The following TRAPPC9 variants were observed in gnomAD, a reference collection of about 807,000 sequenced individuals.
TRAPPC9 encodes the protein IKK2 binding protein.
Under a neutral mutation model 124.0 loss-of-function variants are expected in TRAPPC9, and 83 were observed. That is an observed-to-expected ratio of 0.67 (90% CI 0.56 to 0.80). The LOEUF (loss-of-function observed/expected upper bound fraction) is 0.80, where lower values mean the gene tolerates loss of function less well. Among genes scored for constraint, TRAPPC9 ranks in the 30% least tolerant of loss-of-function variants. The pLI is 0.00. For missense variants in TRAPPC9, 1,302 were observed against 1,508.3 expected (o/e 0.86, Z 2.27); for synonymous variants, 638 against 617.5 (o/e 1.03, Z -0.49).
At chr8:140,120,013 G>A (rs923217696) in intron 17 of TRAPPC9, among the ~76,000 whole-genome samples, 90 of 152,272 alleles carry the variant, frequency 5.9e-4, no homozygotes, top group Non-Finnish European at 1.2e-4. Flanking sequence ...CATAATGGGT[G>A]GTCAGTAGAT....
Position 140,435,109 on chromosome 8 carries a change from C to T in TRAPPC9, c.859+3G>A, listed in dbSNP as rs763271963. On this transcript the variant is annotated splice_donor_region_variant and intron_variant, in intron 4 of 22. Coordinates refer to ENST00000438773, the MANE Select transcript of TRAPPC9 (RefSeq NM_001160372.4). ...CAGAGGCCGGAAAAAGGGCAGAGCTCACCTGGCCGGTGTCTATTGGCTGCT... is the reference window on the plus strand; with the variant it reads ...CAGAGGCCGGAAAAAGGGCAGAGCTTACCTGGCCGGTGTCTATTGGCTGCT... 3.7e-6 allele frequency: 6 copies of T among 1,614,188 alleles called. No homozygotes were observed. In the Admixed American group the frequency reaches 1.0e-4, roughly 27 times the overall value.
chr8:140,280,797 GT>G (rs2065287990), intron 14 of TRAPPC9, among the ~76,000 whole-genome samples: 1 of 152,168 alleles, frequency 6.6e-6, no homozygotes. Context: ...CTTCCAATCA[GT>G]TTAGTCCCCA....
chr8:139,872,545 T>C (rs1829015151), intron 21 of TRAPPC9, among the ~76,000 whole-genome samples: 1 of 128,852 alleles, frequency 7.8e-6, no homozygotes, highest in African/African-American at 2.6e-5. Context: ...GATGGATGGA[T>C]GGACGGATGG....
At chr8:139,828,624 A>G (rs544725636) in intron 21 of TRAPPC9, among the ~76,000 whole-genome samples, 31 of 152,336 alleles carry the variant, frequency 2.0e-4, no homozygotes, top group Admixed American at 1.6e-3. Flanking sequence ...TGAGTTCCCC[A>G]GGGTGTCTGA....
chr8:140,232,638 G>A (rs978056705), intron 16 of TRAPPC9, among the ~76,000 whole-genome samples: 2 of 152,112 alleles, frequency 1.3e-5, no homozygotes, highest in Non-Finnish European at 2.9e-5. Context: ...CAACAGTGAC[G>A]ATCTCAACAG....
chr8:139,763,274 C>T (rs1288056955), intron 21 of TRAPPC9, among the ~76,000 whole-genome samples: 1 of 152,222 alleles, frequency 6.6e-6, no homozygotes. Context: ...TAAAACGTGG[C>T]TCTGGCGAAT....
intron 6 of TRAPPC9, among the ~76,000 whole-genome samples, chr8:140,400,844 A>C (rs753091171): frequency 6.6e-6 from 1 of 152,042 alleles, no homozygotes; most frequent in Admixed American, 6.6e-5. Flanking sequence ...CTTCCCTCCA[A>C]TGCCCTTCTC....
At chr8:139,949,446 G>C (rs778178531) in intron 19 of TRAPPC9, among the ~76,000 whole-genome samples, 1 of 152,124 alleles carries the variant, frequency 6.6e-6, no homozygotes, top group Non-Finnish European at 1.5e-5. Flanking sequence ...GCACACAAGA[G>C]CACACACAGT....
intron 17 of TRAPPC9, among the ~76,000 whole-genome samples, chr8:140,031,629 C>G (rs1041286721): frequency 6.6e-6 from 1 of 152,202 alleles, no homozygotes; most frequent in Non-Finnish European, 1.5e-5. Context: ...ACCAGCACAA[C>G]GGTTTACTTA....
intron 17 of TRAPPC9, among the ~76,000 whole-genome samples, chr8:140,157,023 T>TTTTCCATTCAAAAGCCTCCC (rs2061651200): frequency 9.5e-5 from 2 of 21,076 alleles, no homozygotes; most frequent in South Asian, 2.2e-3. Flanking sequence ...GAAGCCTCCC[T>TTTTCCATTCAAAAGCCTCCC]TTTCCATTCA....
chr8:139,921,448 C>T (rs1832495835), intron 19 of TRAPPC9, among the ~76,000 whole-genome samples: 1 of 152,114 alleles, frequency 6.6e-6, no homozygotes, highest in Admixed American at 6.5e-5. Flanking sequence ...AACAGAGAGC[C>T]GGGCTTCATT....
intron 5 of TRAPPC9, among the ~76,000 whole-genome samples, chr8:140,424,827 C>T (rs1437447916): frequency 1.3e-5 from 2 of 152,156 alleles, no homozygotes; most frequent in African/African-American, 4.8e-5. Flanking sequence ...ACTCTTCTTC[C>T]GGTTTTGGAA....
At chr8:139,879,086 G>A (rs891348561) in intron 21 of TRAPPC9, among the ~76,000 whole-genome samples, 1 of 152,256 alleles carries the variant, frequency 6.6e-6, no homozygotes, top group Non-Finnish European at 1.5e-5. Context: ...GGGAACGAGG[G>A]CCCAGCCCGG....
At chr8:140,258,829 G>A (rs1483912031) in intron 15 of TRAPPC9, among the ~76,000 whole-genome samples, 1 of 152,248 alleles carries the variant, frequency 6.6e-6, no homozygotes, top group Non-Finnish European at 1.5e-5. Context: ...CATTGGAAGT[G>A]TGTGCCAACT....
intron 9 of TRAPPC9, among the ~76,000 whole-genome samples, chr8:140,328,168 T>C (rs942226901): frequency 6.6e-6 from 1 of 151,950 alleles, no homozygotes; most frequent in Non-Finnish European, 1.5e-5. Flanking sequence ...GACAGAAGAA[T>C]CGCTTGAAGC....
chr8:139,766,615 C>T (rs976384497), intron 21 of TRAPPC9, among the ~76,000 whole-genome samples: 1 of 152,194 alleles, frequency 6.6e-6, no homozygotes, highest in Non-Finnish European at 1.5e-5. Context: ...GCCCCAGGTG[C>T]TCCTCCTCAT....
At chr8:140,214,967 A>G (rs1362392300) in intron 17 of TRAPPC9, among the ~76,000 whole-genome samples, 1 of 152,122 alleles carries the variant, frequency 6.6e-6, no homozygotes, top group Non-Finnish European at 1.5e-5. Context: ...AAATCACATC[A>G]TTCCTGCTTC....
chr8:139,804,458 CCACCACT>C (rs1457033135), intron 21 of TRAPPC9, among the ~76,000 whole-genome samples: 5 of 142,728 alleles, frequency 3.5e-5, no homozygotes, highest in African/African-American at 1.3e-4. Flanking sequence ...CTCACCACCA[CCACCACT>C]CACCACCACC....
intron 3 of TRAPPC9, among the ~76,000 whole-genome samples, chr8:140,438,103 C>A (rs2070882509): frequency 6.6e-6 from 1 of 152,202 alleles, no homozygotes; most frequent in Admixed American, 6.5e-5. Flanking sequence ...CACTAACTGA[C>A]TCTGGAACAT....
Sources: gnomAD v4.1 joint callset for allele counts (sites outside exome capture counted in the v4.1 genomes callset) on GRCh38, gnomAD v4.1.1 for gene constraint, MANE v1.5 for transcripts, NCBI Gene and HGNC (gene_info 2026-07-23, HGNC 2026-07-21) for gene names.